The following CLIC5 variants were observed in gnomAD, a reference collection of about 807,000 sequenced individuals.
CLIC5 encodes chloride intracellular channel protein 5.
A neutral mutation model predicts 24.7 loss-of-function variants in CLIC5; 20 were observed. That is an observed-to-expected ratio of 0.81 (90% CI 0.57 to 1.18). The LOEUF is 1.18. Ranked by LOEUF, CLIC5 falls within the 50% of genes most tolerant of loss-of-function variation. The pLI, the probability that CLIC5 is intolerant of heterozygous loss-of-function variation, is 0.00. For synonymous variants in CLIC5, 159 were observed against 135.6 expected (o/e 1.17, Z -1.20); for missense variants, 341 against 326.1 (o/e 1.05, Z -0.35).
chr6:45,994,869 T>G (rs1384164596), intron 1 of CLIC5, among the ~76,000 whole-genome samples: 2 of 152,164 alleles, frequency 1.3e-5, no homozygotes, highest in Admixed American at 6.5e-5. Context: ...CCATTCACTC[T>G]CTCACCAGAA....
intron 4 of CLIC5, among the ~76,000 whole-genome samples, chr6:45,929,795 C>G (rs1396968871): frequency 6.6e-6 from 1 of 152,214 alleles, no homozygotes; most frequent in Non-Finnish European, 1.5e-5. Flanking sequence ...ACATGGAGCC[C>G]CACGGCCACC....
At chr6:45,953,376 C>T (rs1407151022) in intron 2 of CLIC5, among the ~76,000 whole-genome samples, 7 of 152,040 alleles carry the variant, frequency 4.6e-5, no homozygotes, top group Admixed American at 1.3e-4. Flanking sequence ...GTTGGGTTGA[C>T]AGGTGTGCTT....
intron 4 of CLIC5, among the ~76,000 whole-genome samples, chr6:45,939,555 C>T (rs372621453): frequency 2.6e-3 from 393 of 152,238 alleles, no homozygotes; most frequent in South Asian, 8.9e-3. Flanking sequence ...GCAAGATGAT[C>T]TCATCGCCAA....
At chr6:46,039,388 A>G (rs1402535474) in intron 1 of CLIC5, among the ~76,000 whole-genome samples, 3 of 109,410 alleles carry the variant, frequency 2.7e-5, no homozygotes, top group Non-Finnish European at 4.3e-5. Context: ...AACTTATTAC[A>G]TTAAAAAAAC....
In CLIC5 at chr6:46,080,098, T is replaced by G. The variant is rs768731721; in HGVS notation, c.145A>C (p.Thr49Pro). The G allele has an allele frequency of 2.6e-6, 4 of 1,551,626 alleles. No homozygotes were observed. Among genetic ancestry groups the G allele is most frequent in the Non-Finnish European group, 3.5e-6 (4 of 1,147,000 alleles). The stretch of plus-strand genomic sequence containing the variant: ...TCATACTCATGGGTATTCAGCTGAG[T>G]GGCATATAAATCATTTTCTGGCCTT... The change falls in exon 1 of 6, where the codon ACT (threonine) becomes CCT (proline). Residue 49 changes from threonine (T) to proline (P), a missense_variant. Transcript: ENST00000185206.
At chr6:45,909,721 C>T (rs72871419) in intron 5 of CLIC5, among the ~76,000 whole-genome samples, 2,947 of 152,238 alleles carry the variant, frequency 0.019, 39 homozygotes, top group Admixed American at 0.034. Context: ...TTTTCTTTGG[C>T]ATTGACCTTG....
chr6:46,067,958 C>T (rs1581916146), intron 1 of CLIC5, among the ~76,000 whole-genome samples: 1 of 151,980 alleles, frequency 6.6e-6, no homozygotes, highest in South Asian at 2.1e-4. Context: ...TTGGAAAAAG[C>T]GTATTTGTAG....
intron 1 of CLIC5, among the ~76,000 whole-genome samples, chr6:46,072,989 C>T (rs933598133): frequency 1.8e-4 from 27 of 152,060 alleles, no homozygotes; most frequent in African/African-American, 6.5e-4. Context: ...AAGAAAAATC[C>T]CCTGGATGGA....
At chr6:45,891,317 A>G (rs1472581877) in intron 6 of CLIC5, among the ~76,000 whole-genome samples, 1 of 152,178 alleles carries the variant, frequency 6.6e-6, no homozygotes, top group Non-Finnish European at 1.5e-5. Context: ...ATATACTCCC[A>G]CCAACATACC....
chr6:45,937,629 A>G (rs558185487), intron 4 of CLIC5: 54 of 152,378 alleles, frequency 3.5e-4, no homozygotes, highest in African/African-American at 1.3e-3. Flanking sequence ...AGAACCTAGC[A>G]CAGTACCTGG....
At chr6:46,073,593 T>C (rs775154743) in intron 1 of CLIC5, among the ~76,000 whole-genome samples, 37 of 152,258 alleles carry the variant, frequency 2.4e-4, no homozygotes, top group Admixed American at 9.8e-4. Flanking sequence ...CTTGCTGTCC[T>C]AAACATTGTT....
At chr6:45,945,994 C>A (rs534893134) in intron 3 of CLIC5, among the ~76,000 whole-genome samples, 1 of 152,272 alleles carries the variant, frequency 6.6e-6, no homozygotes, top group Non-Finnish European at 1.5e-5. Flanking sequence ...AGACAATAAC[C>A]AGCTCTGGAA....
rs5875950 is a variant in CLIC5 at position 45,962,483 on chromosome 6, CAAAA to C, written c.64-7243_64-7240del. Among the ~76,000 whole-genome samples the C allele has an allele frequency of 2.4e-3, 268 of 112,514 alleles. 9 individuals are homozygous for C. In the South Asian group the frequency reaches 0.061, roughly 26 times the overall value. The allele number at this position is 112,514 out of a possible 152,430, so 73.8% of individuals were successfully genotyped here. ...CACCAATTTAAATGTTAATGTCATC[CAAAA>C]AAAAAAAAAAAAAAGCACCTTCACA... On this transcript the variant is annotated intron_variant, in intron 1 of 5. Transcript: ENST00000339561.
chr6:45,973,713 C>A (rs941313431), intron 1 of CLIC5, among the ~76,000 whole-genome samples: 1 of 152,034 alleles, frequency 6.6e-6, no homozygotes, highest in Admixed American at 6.6e-5. Context: ...CCGAGGCGGG[C>A]GGATCATGAG....
chr6:46,079,883 G>A lies in CLIC5; in HGVS notation c.360C>T (p.Cys120=), dbSNP rs370825642. ...TCCCATTCTCCTGGAGTTCTGCTGC[G>A]CAGAGTTGCTGGTCCTGGGTTGATG... is the stretch of plus-strand genomic sequence containing the variant. Residue 120 remains cysteine (C), a synonymous_variant, in exon 1 of 6, where the codon TGC becomes TGT. Transcript: ENST00000185206. The A allele has an allele frequency of 1.3e-4, 209 of 1,552,062 alleles. 1 individual carries two copies. Among genetic ancestry groups the A allele is most frequent in the African/African-American group, 6.3e-4 (46 of 73,164 alleles).
At chr6:46,096,343 G>A in the CLIC5 span, among the ~76,000 whole-genome samples, 1 of 152,206 alleles carries the variant, frequency 6.6e-6, no homozygotes, top group South Asian at 2.1e-4. Flanking sequence ...AATATCCCAG[G>A]AGTCTATTGA....
rs143366488 is a variant in CLIC5, at chr6:46,031,855, A to G, written c.540+47848T>C. ...TAGTCATTTCATCTTTGTAAAATAT[A>G]TATATACACATATATATATAACATA... On this transcript the variant is annotated intron_variant, in intron 1 of 5. Transcript: ENST00000185206. 8.0e-3 allele frequency among the ~76,000 whole-genome samples: 1,181 copies of G among 148,188 alleles called. 17 individuals carry two copies. The highest frequency in any genetic ancestry group is 0.028 in the African/African-American group (1,114 of 40,018).
At chr6:46,083,842 G>C (rs1275501916), upstream of CLIC5, among the ~76,000 whole-genome samples, 7 of 151,750 alleles carry the variant, frequency 4.6e-5, no homozygotes, top group African/African-American at 1.2e-4. Flanking sequence ...TTAACTTTCT[G>C]TCTCGTTGAT....
At chr6:45,931,858 G>C (rs1019394235) in intron 4 of CLIC5, among the ~76,000 whole-genome samples, 1 of 152,064 alleles carries the variant, frequency 6.6e-6, no homozygotes, top group Non-Finnish European at 1.5e-5. Flanking sequence ...ACTGGGTTTT[G>C]CCATTTGGCC....
Sources: allele counts gnomAD v4.1 joint callset (sites outside exome capture counted in the v4.1 genomes callset), GRCh38; gene constraint gnomAD v4.1.1; transcripts MANE v1.5; gene names NCBI Gene and HGNC (gene_info 2026-07-23, HGNC 2026-07-21).